The following PPIC variants were observed in gnomAD, a reference collection of about 807,000 sequenced individuals.
PPIC encodes peptidyl-prolyl cis-trans isomerase C.
Under a neutral mutation model 19.5 loss-of-function variants are expected in PPIC, and 19 were observed. The ratio of observed to expected loss-of-function variants is 0.98; its 90% CI spans 0.68 to 1.43. The LOEUF is 1.43. Among genes scored for constraint, PPIC ranks in the 40% most tolerant of loss-of-function variants. The pLI is 0.00. For missense variants in PPIC, 268 were observed against 268.6 expected, an observed-to-expected ratio of 1.00 and a Z score of 0.02; for synonymous variants, 107 against 101.2, an observed-to-expected ratio of 1.06 and a Z score of -0.34.
chr5:123,028,276 G>C (rs1762890519), intron 3 of PPIC, among the ~76,000 whole-genome samples: 1 of 152,114 alleles, frequency 6.6e-6, no homozygotes, highest in South Asian at 2.1e-4. Context: ...AGTTCTCTTG[G>C]ACTTGTTTTT....
chr5:123,025,763 G>GA (rs763151234), intron 4 of PPIC, 21 bp downstream of exon 4: 8 of 1,605,370 alleles, frequency 5.0e-6, no homozygotes, highest in South Asian at 2.3e-5. Flanking sequence ...GCTTTGAAAG[G>GA]AAAAAAATGT....
In PPIC at chr5:123,036,653, C is replaced by T. The variant is rs376716861; in HGVS notation, c.-28G>A. On this transcript the variant is annotated 5_prime_UTR_variant, in exon 1 of 5. Transcript: ENST00000306442. The surrounding 1 kb of genome is among the most constrained non-coding windows in gnomAD (Gnocchi z 4.5). Reference sequence around the variant, plus strand: ...TGAGCGGTGGCAGCGGCGCTACCGGCACGGGCGCTACCGGCACGGGCGCGA... The same window carrying T: ...TGAGCGGTGGCAGCGGCGCTACCGGTACGGGCGCTACCGGCACGGGCGCGA... 1.9e-5 allele frequency: 29 copies of T among 1,544,738 alleles called. No homozygotes were observed. In the African/African-American group the frequency reaches 3.6e-4, roughly 19 times the overall value.
rs748784744 is a variant in PPIC at position 123,029,418 on chromosome 5, C to A, written c.118G>T (p.Val40Phe). Residue 40 changes from valine (V) to phenylalanine (F), a missense_variant and splice_region_variant, in exon 2 of 5, where the codon GTC becomes TTC. Val to Phe is a conservative substitution (Grantham distance 50). Coordinates refer to ENST00000306442, the MANE Select transcript of PPIC (RefSeq NM_000943.5). ...RKRGPSVTAK[V>F]FFDVRIGDKD... is the part of the protein sequence containing the mutation. ...TCTCCAATCCTCACATCAAAGAAGA[C>A]CTGTGTGCAGTTGAAAGGCAAAGTG... 2 of 1,581,674 alleles carry A rather than the reference C, an allele frequency of 1.3e-6. No individual in the cohort carries two copies. The highest frequency in any genetic ancestry group is 2.3e-5 in the East Asian group (1 of 44,386).
chr5:123,023,807 A>AACAAACACAC lies in PPIC; in HGVS notation c.*67_*68insGTGTGTTTGT. 1 of 1,293,844 alleles carries AACAAACACAC rather than the reference A, an allele frequency of 7.7e-7. No homozygotes were observed. Among genetic ancestry groups the AACAAACACAC allele is most frequent in the South Asian group, 2.0e-5 (1 of 51,004 alleles). 80.1% of individuals were successfully genotyped at this position (1,293,844 alleles called of 1,614,324 possible). A position where few individuals can be genotyped will look rare whatever the true frequency, so the allele number is the denominator to read the frequency against. On this transcript the variant is annotated 3_prime_UTR_variant, in exon 5 of 5. Coordinates refer to ENST00000306442, the MANE Select transcript of PPIC (RefSeq NM_000943.5). ...AAAGCAAATAATTGAAAGACAACAC[A>AACAAACACAC]ACACACACACACACACACACACACA...
rs1581877576 is a variant in PPIC, at chr5:123,036,412, C to T, written c.117+97G>A. On this transcript the variant is annotated intron_variant, in intron 1 of 4. Coordinates refer to ENST00000306442, the MANE Select transcript of PPIC (RefSeq NM_000943.5). The surrounding 1 kb of genome is among the most constrained non-coding windows in gnomAD (Gnocchi z 4.5). ...CAGTCCCCCTGCGCCCGGGAAGCCTCCACCTCGCCCGCCCTGACACCGAGG... is the reference window on the plus strand; with the variant it reads ...CAGTCCCCCTGCGCCCGGGAAGCCTTCACCTCGCCCGCCCTGACACCGAGG... 2 of 1,157,270 alleles carry T rather than the reference C, an allele frequency of 1.7e-6. No individual in the cohort carries two copies. The highest frequency in any genetic ancestry group is 5.0e-5 in the East Asian group (2 of 39,916). 71.7% of individuals were successfully genotyped at this position (1,157,270 alleles called of 1,614,324 possible).
Position 123,036,542 on chromosome 5 carries a change from G to GC in PPIC, c.83dup (p.Phe29LeufsTer15). ...TCACCGAGGGGCCTCGCTTGCGGAA[G>GC]CCCTCGGCCCCCGAAGAAAACACAA... On this transcript the variant is annotated frameshift_variant, in exon 1 of 5. Transcript: ENST00000306442. LOFTEE classifies it high-confidence loss of function. The surrounding 1 kb of genome is among the most constrained non-coding windows in gnomAD (Gnocchi z 4.5). The GC allele has an allele frequency of 6.2e-7, 1 of 1,605,356 alleles. No homozygotes were observed. The highest frequency in any genetic ancestry group is 1.1e-5 in the South Asian group (1 of 89,536).
chr5:123,035,837 T>C (rs1452295761), intron 1 of PPIC, among the ~76,000 whole-genome samples: 3 of 149,986 alleles, frequency 2.0e-5, no homozygotes, highest in African/African-American at 4.9e-5. Context: ...CCCCGCCCCC[T>C]TTCCCCGCAG....
At position 123,029,299 on chromosome 5, in the gene PPIC, A is replaced by ACATAC; in HGVS notation, c.231+1_231+5dup. On this transcript the variant is annotated splice_donor_region_variant and intron_variant, in intron 2 of 4. Coordinates refer to ENST00000306442, the MANE Select transcript of PPIC (RefSeq NM_000943.5). ...CCAATTTAAAGGAAATAAAATTGAG[A>ACATAC]CATACCTCTCCTGTTGCTAGAGCAA... The ACATAC allele has an allele frequency of 1.2e-6, 2 of 1,614,146 alleles. No homozygotes were observed. Among genetic ancestry groups the ACATAC allele is most frequent in the Non-Finnish European group, 1.7e-6 (2 of 1,180,004 alleles).
rs1762799756 is a variant in PPIC at position 123,023,739 on chromosome 5, T to C, written c.*136A>G. On this transcript the variant is annotated 3_prime_UTR_variant, in exon 5 of 5. Coordinates refer to ENST00000306442, the MANE Select transcript of PPIC (RefSeq NM_000943.5). ...GGTGACGGTTTGATTTTTATAACTT[T>C]CCTGTGATCTGGGATAGAATACAAA... 1 of 1,295,374 alleles carries C rather than the reference T, an allele frequency of 7.7e-7. No homozygotes were observed. The highest frequency in any genetic ancestry group is 1.0e-6 in the Non-Finnish European group (1 of 996,634). 80.2% of individuals were successfully genotyped at this position (1,295,374 alleles called of 1,614,324 possible).
chr5:123,031,443 T>C (rs1410468835), intron 1 of PPIC, among the ~76,000 whole-genome samples: 1 of 152,134 alleles, frequency 6.6e-6, no homozygotes, highest in Non-Finnish European at 1.5e-5. Flanking sequence ...GGGGTGAGCC[T>C]TGCCTGGCAG....
chr5:123,025,279 C>T (rs892751054), intron 4 of PPIC, among the ~76,000 whole-genome samples: 1 of 152,062 alleles, frequency 6.6e-6, no homozygotes, highest in African/African-American at 2.4e-5. Flanking sequence ...AAACTAAAAC[C>T]TTATACCTAT....
Position 123,036,311 on chromosome 5 carries a change from C to T in PPIC, c.117+198G>A, listed in dbSNP as rs958497562. 1.7e-6 allele frequency: 1 copy of T among 593,806 alleles called. No homozygotes were observed. Among genetic ancestry groups the T allele is most frequent in the Non-Finnish European group, 3.0e-6 (1 of 335,902 alleles). 36.8% of individuals were successfully genotyped at this position (593,806 alleles called of 1,614,324 possible). On this transcript the variant is annotated intron_variant, in intron 1 of 4. Transcript: ENST00000306442. The surrounding 1 kb of genome is among the most constrained non-coding windows in gnomAD (Gnocchi z 4.5). ...GAGGTAGGCTGGCCTCAGCCCAGCT[C>T]CCCCAGGGTCTCCCCCGGAGCGCCG...
intron 1 of PPIC, among the ~76,000 whole-genome samples, chr5:123,034,220 T>A (rs1442968806): frequency 6.6e-6 from 1 of 152,260 alleles, no homozygotes; most frequent in Non-Finnish European, 1.5e-5. Flanking sequence ...ATAGATTTAG[T>A]TGTCTTTACA....
chr5:123,031,081 T>C (rs1010745998), intron 1 of PPIC, among the ~76,000 whole-genome samples: 32 of 151,924 alleles, frequency 2.1e-4, no homozygotes, highest in African/African-American at 7.0e-4. Context: ...ATAATTTTTT[T>C]CCCCAAATTG....
chr5:123,036,547 C>T lies in PPIC; in HGVS notation c.79G>A (p.Glu27Lys), dbSNP rs1300719430. 3 of 1,604,558 alleles carry T rather than the reference C, an allele frequency of 1.9e-6. No individual in the cohort carries two copies. The highest frequency in any genetic ancestry group is 3.4e-5 in the Admixed American group (2 of 59,074). Reference protein sequence around the residue: ...LGALVFSSGAEGFRKRGPSVT... With the variant: ...LGALVFSSGAKGFRKRGPSVT... Reference sequence around the variant, plus strand: ...GAGGGGCCTCGCTTGCGGAAGCCCTCGGCCCCCGAAGAAAACACAAGTGCG... The same window carrying T: ...GAGGGGCCTCGCTTGCGGAAGCCCTTGGCCCCCGAAGAAAACACAAGTGCG... Residue 27 changes from glutamate to lysine, a missense_variant, in exon 1 of 5, where the codon GAG becomes AAG. Physicochemically the swap from Glu to Lys is moderately conservative, Grantham distance 56 (BLOSUM62 1). Transcript: ENST00000306442. This position sits in a 1 kb window ranked among gnomAD's most constrained non-coding sequence, Gnocchi z 4.5.
intron 3 of PPIC, among the ~76,000 whole-genome samples, chr5:123,028,327 G>A (rs1423738763): frequency 6.6e-6 from 1 of 152,192 alleles, no homozygotes; most frequent in Non-Finnish European, 1.5e-5. Flanking sequence ...GAAAGAAGGA[G>A]GAAAGTGCGC....
chr5:123,035,924 G>A (rs1763002769), intron 1 of PPIC, among the ~76,000 whole-genome samples: 1 of 151,814 alleles, frequency 6.6e-6, no homozygotes, highest in Non-Finnish European at 1.5e-5. Flanking sequence ...CCCGCCCGCC[G>A]AAGTTGAAGG....
Position 123,025,827 on chromosome 5 carries a change from A to C in PPIC, c.467T>G (p.Leu156Trp). The C allele has an allele frequency of 6.2e-7, 1 of 1,614,084 alleles. No individual in the cohort carries two copies. Among genetic ancestry groups the C allele is most frequent in the African/African-American group, 1.3e-5 (1 of 75,044 alleles). ...TCCAAACACCACATGTTTGCCGTCC[A>C]ACCAGGTGGGCTTGGTCAAGGTGAT... is the stretch of plus-strand genomic sequence containing the variant. ...FFITLTKPTW[L>W]DGKHVVFGKV... Residue 156 changes from leucine (L) to tryptophan (W), a missense_variant, in exon 4 of 5, where the codon TTG (leucine) becomes TGG (tryptophan). By Grantham distance (61) the Leu-to-Trp change is moderately conservative (BLOSUM62 -2). Transcript: ENST00000306442.
At chr5:123,030,320 T>C (rs1293775860) in intron 1 of PPIC, among the ~76,000 whole-genome samples, 4 of 152,250 alleles carry the variant, frequency 2.6e-5, no homozygotes, top group African/African-American at 9.6e-5. Flanking sequence ...TGTGTTAAGA[T>C]GATTCTGAAA....
Sources: allele counts gnomAD v4.1 joint callset (sites outside exome capture counted in the v4.1 genomes callset), GRCh38; gene constraint gnomAD v4.1.1; non-coding constraint Gnocchi (gnomAD v3.1); transcripts MANE v1.5; gene names NCBI Gene and HGNC (gene_info 2026-07-23, HGNC 2026-07-21).